The following TGFBR3 variants were observed in gnomAD, a reference collection of about 807,000 sequenced individuals.
TGFBR3 encodes the protein transforming growth factor beta receptor 3.
In TGFBR3, 46 loss-of-function variants were observed where a neutral mutation model predicts 87.9. The ratio of observed to expected loss-of-function variants is 0.52; its 90% CI spans 0.41 to 0.67. The LOEUF (loss-of-function observed/expected upper bound fraction) is 0.67, where lower values mean the gene tolerates loss of function less well. Ranked by LOEUF, TGFBR3 falls within the 30% of genes least tolerant of loss-of-function variation. TGFBR3 has a pLI of 0.00. For synonymous variants in TGFBR3, 381 were observed against 391.6 expected, an observed-to-expected ratio of 0.97 and a Z score of 0.32; for missense variants, 866 against 1,041.9, an observed-to-expected ratio of 0.83 and a Z score of 2.32.
At chr1:91,818,268 T>C (rs891089460) in intron 2 of TGFBR3, among the ~76,000 whole-genome samples, 3 of 140,362 alleles carry the variant, frequency 2.1e-5, no homozygotes, top group Non-Finnish European at 3.1e-5. Flanking sequence ...CATTTCCCCT[T>C]AGCCCCAGCC....
chr1:91,882,188 G>T (rs183193621), intron 1 of TGFBR3, among the ~76,000 whole-genome samples: 1 of 142,996 alleles, frequency 7.0e-6, no homozygotes, highest in Non-Finnish European at 1.5e-5. Context: ...CCAGGCTGGC[G>T]TGCAGTGGCA....
chr1:91,799,468 G>A (rs988482545), intron 2 of TGFBR3, among the ~76,000 whole-genome samples: 3 of 152,088 alleles, frequency 2.0e-5, no homozygotes, highest in South Asian at 2.1e-4. Flanking sequence ...CCTGGCCTCC[G>A]GCTTTCCCAG....
intron 2 of TGFBR3, among the ~76,000 whole-genome samples, chr1:91,858,809 G>A (rs1678065850): frequency 6.6e-6 from 1 of 151,462 alleles, no homozygotes; most frequent in Admixed American, 6.6e-5. Context: ...TAATCCCAGC[G>A]TTTTCAGAGG....
At chr1:91,741,628 A>G (rs1229977828) in intron 4 of TGFBR3, among the ~76,000 whole-genome samples, 2 of 152,172 alleles carry the variant, frequency 1.3e-5, no homozygotes, top group Non-Finnish European at 2.9e-5. Context: ...GAGGCTATCC[A>G]GGAGCCCCAG....
intron 4 of TGFBR3, among the ~76,000 whole-genome samples, chr1:91,746,537 T>C (rs1433895452): frequency 1.3e-5 from 2 of 152,234 alleles, no homozygotes; most frequent in Non-Finnish European, 2.9e-5. Context: ...GTTGGTATCA[T>C]TACTATTACT....
chr1:91,875,866 G>A (rs1384748061), intron 1 of TGFBR3, among the ~76,000 whole-genome samples: 3 of 129,540 alleles, frequency 2.3e-5, no homozygotes, highest in East Asian at 2.4e-4. Flanking sequence ...AGCCAACGTC[G>A]TGCCAATGCA....
At position 91,756,898 on chromosome 1, in the gene TGFBR3, CCTTAAT is replaced by C. The variant is rs372865414; in HGVS notation, c.384+1709_384+1714del. ...TTCCTGAATGATCTGACCTTTTAGC[CCTTAAT>C]CTTAAAGAGTATTAAGTATGTTTCC... On this transcript the variant is annotated intron_variant, in intron 4 of 16. Transcript: ENST00000212355. Among the ~76,000 whole-genome samples, 12 of 152,152 alleles carry C rather than the reference CCTTAAT, an allele frequency of 7.9e-5. 1 individual carries two copies. Among genetic ancestry groups the C allele is most frequent in the Admixed American group, 6.5e-4 (10 of 15,298 alleles).
chr1:91,744,022 T>C (rs1673246020), intron 4 of TGFBR3, among the ~76,000 whole-genome samples: 1 of 152,148 alleles, frequency 6.6e-6, no homozygotes, highest in Admixed American at 6.5e-5. Context: ...TGATTACAAG[T>C]TTAAGTGATA....
chr1:91,768,955 G>A (rs1210136271), intron 3 of TGFBR3, among the ~76,000 whole-genome samples: 1 of 151,840 alleles, frequency 6.6e-6, no homozygotes, highest in Admixed American at 6.6e-5. Context: ...CAATCCTTTG[G>A]GTCACTCTGC....
intron 1 of TGFBR3, among the ~76,000 whole-genome samples, chr1:91,871,592 A>ACAGGGTGGTCAGAGAGGGCCTC (rs1553175161): frequency 6.6e-6 from 1 of 152,148 alleles, no homozygotes; most frequent in African/African-American, 2.4e-5. Flanking sequence ...GCTATTTTAG[A>ACAGGGTGGTCAGAGAGGGCCTC]CAGGGTGGTC....
chr1:91,721,909 C>T (rs1408481252), intron 8 of TGFBR3, 46 bp downstream of exon 8: 2 of 1,574,220 alleles, frequency 1.3e-6, no homozygotes, highest in African/African-American at 2.7e-5. Context: ...GGAAAAGCTT[C>T]ATTTGGGGGG....
chr1:91,793,311 G>A (rs1274497459), intron 3 of TGFBR3, among the ~76,000 whole-genome samples: 2 of 152,230 alleles, frequency 1.3e-5, no homozygotes, highest in South Asian at 4.1e-4. Flanking sequence ...AATAGATCTT[G>A]ATACTGATCT....
At chr1:91,821,141 C>CA (rs1676436542) in intron 2 of TGFBR3, among the ~76,000 whole-genome samples, 1 of 151,926 alleles carries the variant, frequency 6.6e-6, no homozygotes, top group Non-Finnish European at 1.5e-5. Flanking sequence ...AGCAACCTGG[C>CA]CAACATGGTG....
chr1:91,836,290 T>A (rs1350524981), intron 2 of TGFBR3, among the ~76,000 whole-genome samples: 7 of 152,066 alleles, frequency 4.6e-5, no homozygotes, highest in Non-Finnish European at 1.0e-4. Context: ...AAAATTCAGA[T>A]GTCATGAAGA....
chr1:91,837,033 A>T (rs1424052298), intron 2 of TGFBR3, among the ~76,000 whole-genome samples: 1 of 152,094 alleles, frequency 6.6e-6, no homozygotes, highest in East Asian at 1.9e-4. Flanking sequence ...ATTTTAAAAA[A>T]CTAAGCCATC....
intron 2 of TGFBR3, among the ~76,000 whole-genome samples, chr1:91,810,147 C>A (rs1675979752): frequency 6.6e-6 from 1 of 152,200 alleles, no homozygotes; most frequent in Non-Finnish European, 1.5e-5. Context: ...CAACCTCTAC[C>A]TTCCAGGCTC....
rs1413129335 is a variant in TGFBR3, at chr1:91,680,721, AATC to A, written c.*3015_*3017del. The stretch of plus-strand genomic sequence containing the variant: ...GCTCTGTTAACACAACCAGCAGTAC[AATC>A]ATCATTCAAACCATGAGGTAGTTAC... On this transcript the variant is annotated 3_prime_UTR_variant, in exon 17 of 17. Coordinates refer to ENST00000212355, the MANE Select transcript of TGFBR3 (RefSeq NM_003243.5). 3 of 454,032 alleles carry A rather than the reference AATC, an allele frequency of 6.6e-6. No homozygotes were observed. Among genetic ancestry groups the A allele is most frequent in the Non-Finnish European group, 1.3e-5 (3 of 226,804 alleles). 28.1% of individuals were successfully genotyped at this position (454,032 alleles called of 1,614,324 possible).
chr1:91,712,211 A>C, intron 13 of TGFBR3, 32 bp downstream of exon 13: 1 of 1,609,636 alleles, frequency 6.2e-7, no homozygotes, highest in Non-Finnish European at 8.5e-7. Flanking sequence ...AAATGCCAAA[A>C]TAACCATCCG....
chr1:91,705,387 C>T (rs1329582909), intron 14 of TGFBR3, among the ~76,000 whole-genome samples: 1 of 151,754 alleles, frequency 6.6e-6, no homozygotes, highest in Non-Finnish European at 1.5e-5. Flanking sequence ...TGACGCCTGG[C>T]TAATTTTTTT....
Sources: gnomAD v4.1 joint callset for allele counts (sites outside exome capture counted in the v4.1 genomes callset) on GRCh38, gnomAD v4.1.1 for gene constraint, MANE v1.5 for transcripts, NCBI Gene and HGNC (gene_info 2026-07-23, HGNC 2026-07-21) for gene names.